Variants in FOXP2 observed in about 807,000 individuals in gnomAD.
FOXP2 encodes forkhead box protein P2.
FOXP2 carries 12 observed loss-of-function variants against 115.8 expected under a neutral mutation model. The observed-to-expected ratio is 0.10, with a 90% CI of 0.07 to 0.17. The LOEUF (loss-of-function observed/expected upper bound fraction) is 0.17. FOXP2 is among the 10% of genes least tolerant of loss of function. The pLI is 1.00. For synonymous variants in FOXP2, 328 were observed against 297.7 expected (o/e 1.10, Z -1.05); for missense variants, 629 against 843.5 (o/e 0.75, Z 3.15).
chr7:114,634,005 C>CT (rs1044547023), intron 6 of FOXP2, among the ~76,000 whole-genome samples: 32 of 148,116 alleles, frequency 2.2e-4, no homozygotes, highest in African/African-American at 2.2e-4. Flanking sequence ...TGTATCTTTT[C>CT]TTTTTTTTTT....
intron 16 of FOXP2, among the ~76,000 whole-genome samples, chr7:114,683,910 C>CA (rs1808222230): frequency 9.9e-5 from 1 of 10,076 alleles, no homozygotes; most frequent in Non-Finnish European, 4.2e-3. Flanking sequence ...AATCCTCTTT[C>CA]AACCCCGTGT....
At position 114,375,712 on chromosome 7, in the gene FOXP2, C is replaced by CCT. The variant is rs143992247; in HGVS notation, c.-10-50778_-10-50777dup. The stretch of plus-strand genomic sequence containing the variant: ...AGCCACTTGGTTCTCCCAAGCATCG[C>CCT]CTCTCTCTCTCTCCCAATGTGATCT... On this transcript the variant is annotated intron_variant, in intron 2 of 17. Transcript: ENST00000634411. Among the ~76,000 whole-genome samples the CCT allele has an allele frequency of 4.4e-4, 67 of 151,866 alleles. 1 individual carries two copies. Among genetic ancestry groups the CCT allele is most frequent in the Middle Eastern group, 3.4e-3 (1 of 294 alleles).
chr7:114,312,209 G>A (rs189156494), intron 2 of FOXP2, among the ~76,000 whole-genome samples: 38 of 152,294 alleles, frequency 2.5e-4, no homozygotes, highest in African/African-American at 8.7e-4. Flanking sequence ...CCATGATTCA[G>A]TAGCCATAGT....
At chr7:114,255,093 G>T (rs1450847641) in intron 1 of FOXP2, among the ~76,000 whole-genome samples, 1 of 152,196 alleles carries the variant, frequency 6.6e-6, no homozygotes, top group African/African-American at 2.4e-5. Flanking sequence ...AGCAGTGGAG[G>T]CTGCAGAACA....
chr7:114,111,821 C>G (rs970953997), intron 1 of FOXP2, among the ~76,000 whole-genome samples: 6 of 152,030 alleles, frequency 3.9e-5, no homozygotes, highest in Non-Finnish European at 8.8e-5. Context: ...AAAAACTTCA[C>G]TTATCCATGT....
At chr7:114,207,076 T>C (rs1467205380) in intron 1 of FOXP2, among the ~76,000 whole-genome samples, 2 of 152,222 alleles carry the variant, frequency 1.3e-5, no homozygotes, top group African/African-American at 4.8e-5. Flanking sequence ...GCCTTTTATA[T>C]AAGGCTTATT....
intron 3 of FOXP2, among the ~76,000 whole-genome samples, chr7:114,547,302 A>G (rs959328663): frequency 2.0e-5 from 3 of 152,116 alleles, no homozygotes; most frequent in Admixed American, 6.6e-5. Flanking sequence ...TTATACACAC[A>G]TTGTTTGCTT....
chr7:114,283,399 T>C (rs1023221185), intron 1 of FOXP2, among the ~76,000 whole-genome samples: 2 of 152,260 alleles, frequency 1.3e-5, no homozygotes, highest in African/African-American at 4.8e-5. Flanking sequence ...ATCATGAAAT[T>C]CACCAGGCTA....
chr7:114,241,086 G>T (rs960208386), intron 1 of FOXP2, among the ~76,000 whole-genome samples: 16 of 151,930 alleles, frequency 1.1e-4, no homozygotes, highest in Non-Finnish European at 8.8e-5. Context: ...CATGAATCTG[G>T]AATATTTAAT....
chr7:114,397,857 T>C (rs1792781636), intron 2 of FOXP2, among the ~76,000 whole-genome samples: 1 of 152,180 alleles, frequency 6.6e-6, no homozygotes, highest in Non-Finnish European at 1.5e-5. Context: ...GAGATGGTGC[T>C]TTAAACAAAC....
chr7:114,474,540 A>T (rs1372330578), intron 2 of FOXP2, among the ~76,000 whole-genome samples: 1 of 152,148 alleles, frequency 6.6e-6, no homozygotes, highest in African/African-American at 2.4e-5. Flanking sequence ...ATTTATTTTT[A>T]TTGATTTTAA....
chr7:114,662,515 A>G (rs957335699), intron 14 of FOXP2, among the ~76,000 whole-genome samples: 1 of 152,132 alleles, frequency 6.6e-6, no homozygotes, highest in Non-Finnish European at 1.5e-5. Flanking sequence ...AGTAGCTTCC[A>G]GTAGAAGCTA....
intron 2 of FOXP2, among the ~76,000 whole-genome samples, chr7:114,501,618 A>T (rs529857273): frequency 3.3e-4 from 50 of 152,282 alleles, no homozygotes; most frequent in African/African-American, 1.2e-3. Context: ...GAAGCTGTGA[A>T]ACATGGACTT....
chr7:114,559,957 T>C (rs1800682170), intron 3 of FOXP2, among the ~76,000 whole-genome samples: 2 of 152,160 alleles, frequency 1.3e-5, no homozygotes, highest in East Asian at 1.9e-4. Flanking sequence ...ATGGATTTAA[T>C]AGGTTAATAT....
chr7:114,367,749 C>A (rs1300260281), intron 2 of FOXP2, among the ~76,000 whole-genome samples: 3 of 152,158 alleles, frequency 2.0e-5, no homozygotes, highest in Non-Finnish European at 4.4e-5. Flanking sequence ...TATTTCGTTT[C>A]TCTAAAGCTA....
chr7:114,335,045 A>G (rs1797816867), intron 2 of FOXP2, among the ~76,000 whole-genome samples: 1 of 149,956 alleles, frequency 6.7e-6, no homozygotes, highest in Admixed American at 6.7e-5. Context: ...TGAGCACTAG[A>G]TATGGTTGCA....
intron 2 of FOXP2, among the ~76,000 whole-genome samples, chr7:114,481,317 G>A (rs982929281): frequency 1.3e-5 from 2 of 150,928 alleles, no homozygotes; most frequent in African/African-American, 4.8e-5. Context: ...GAAGTAATTT[G>A]GTTATATTTT....
Position 114,359,043 on chromosome 7 carries a change from C to T in FOXP2, c.-10-67459C>T, listed in dbSNP as rs146164616. Among the ~76,000 whole-genome samples, 397 of 152,286 alleles carry T rather than the reference C, an allele frequency of 2.6e-3. 2 individuals carry two copies. The highest frequency in any genetic ancestry group is 9.2e-3 in the African/African-American group (384 of 41,562). ...CAGGGCTTATCAAAGGTCTTCACAG[C>T]AGCCCCTCCCATCACAAGCCAGGAC... On this transcript the variant is annotated intron_variant, in intron 2 of 17. Coordinates refer to the FOXP2 transcript ENST00000634411.
At chr7:114,554,519 T>A (rs900017899) in intron 3 of FOXP2, among the ~76,000 whole-genome samples, 1 of 152,126 alleles carries the variant, frequency 6.6e-6, no homozygotes, top group Non-Finnish European at 1.5e-5. Flanking sequence ...AGTAAACTTA[T>A]TTATATGTAA....
Sources: gnomAD v4.1 joint callset for allele counts (sites outside exome capture counted in the v4.1 genomes callset) on GRCh38, gnomAD v4.1.1 for gene constraint, MANE v1.5 for transcripts, NCBI Gene and HGNC (gene_info 2026-07-23, HGNC 2026-07-21) for gene names.